CPLANE1: variants seen among roughly 807,000 people sequenced by gnomAD.
CPLANE1 encodes the protein ciliogenesis and planar polarity effector complex subunit 1, also known as ciliogenesis and planar polarity effector 1.
A neutral mutation model predicts 362.5 loss-of-function variants in CPLANE1; 263 were observed. The ratio of observed to expected loss-of-function variants is 0.73; its 90% CI spans 0.66 to 0.80. The LOEUF (loss-of-function observed/expected upper bound fraction) is 0.80, where lower values mean the gene tolerates loss of function less well. Among genes scored for constraint, CPLANE1 ranks in the 30% least tolerant of loss-of-function variants. The pLI, the probability that CPLANE1 is intolerant of heterozygous loss-of-function variation, is 0.00. For synonymous variants in CPLANE1, 1,212 were observed against 1,302.6 expected (o/e 0.93, Z 1.50); for missense variants, 3,461 against 3,793.4 (o/e 0.91, Z 2.30).
Position 37,213,652 on chromosome 5 carries a change from C to T in CPLANE1, c.2827G>A (p.Ala943Thr). The change falls in exon 16 of 53, where the codon GCT becomes ACT. Residue 943 changes from alanine to threonine, a missense_variant. Physicochemically the swap from Ala to Thr is moderately conservative, Grantham distance 58. Transcript: ENST00000651892. ...EAAVRVVQSM[A>T]RFMAAYFTNQ... ...GTGAAATAGGCAGCCATGAAACGAG[C>T]CATGGACTGGACGACTCTCACTGCT... The T allele has an allele frequency of 6.5e-7, 1 of 1,545,438 alleles. No homozygotes were observed. Among genetic ancestry groups the T allele is most frequent in the Non-Finnish European group, 8.7e-7 (1 of 1,143,070 alleles).
At position 37,170,235 on chromosome 5, in the gene CPLANE1, CAGACTG is replaced by C; in HGVS notation, c.6262_6267del (p.Gln2088_Ser2089del). 3 of 1,614,138 alleles carry C rather than the reference CAGACTG, an allele frequency of 1.9e-6. No individual in the cohort carries two copies. Among genetic ancestry groups the C allele is most frequent in the Non-Finnish European group, 2.5e-6 (3 of 1,180,018 alleles). On this transcript the variant is annotated inframe_deletion, in exon 33 of 53. Coordinates refer to ENST00000651892, the MANE Select transcript of CPLANE1 (RefSeq NM_001384732.1). ...GATTCTTGGCTTTCCCCTAAATGCA[CAGACTG>C]AGACTGCTGTACAAGTTGTTGTGTA...
chr5:37,149,453 T>A (rs1332991123), intron 42 of CPLANE1, among the ~76,000 whole-genome samples: 1 of 152,234 alleles, frequency 6.6e-6, no homozygotes, highest in Non-Finnish European at 1.5e-5. Flanking sequence ...TCTGCACATG[T>A]TCAGTACAGA....
intron 25 of CPLANE1, 73 bp downstream of exon 25, chr5:37,184,715 T>C: frequency 7.5e-7 from 1 of 1,332,638 alleles, no homozygotes; most frequent in Non-Finnish European, 1.0e-6. Context: ...GGACCAGAAA[T>C]CAGCTCATCA....
At chr5:37,095,045 A>G in the CPLANE1 span, among the ~76,000 whole-genome samples, 1 of 152,224 alleles carries the variant, frequency 6.6e-6, no homozygotes. Flanking sequence ...ACTATTCCAC[A>G]AGATAGACAA....
chr5:37,096,421 A>G, the CPLANE1 span, among the ~76,000 whole-genome samples: 2 of 152,228 alleles, frequency 1.3e-5, no homozygotes, highest in African/African-American at 4.8e-5. Flanking sequence ...TGGATCAAGG[A>G]CTTAAATATA....
intron 33 of CPLANE1, 77 bp downstream of exon 33, chr5:37,169,964 T>C: frequency 2.8e-6 from 4 of 1,418,324 alleles, no homozygotes; most frequent in Non-Finnish European, 3.9e-6. Context: ...CAACCTCAGG[T>C]GTGGCCTGCC....
Position 37,226,799 on chromosome 5 carries a change from A to G in CPLANE1, c.1796T>C (p.Val599Ala). 6.5e-7 allele frequency: 1 copy of G among 1,549,414 alleles called. No homozygotes were observed. The highest frequency in any genetic ancestry group is 8.7e-7 in the Non-Finnish European group (1 of 1,146,046). The change falls in exon 12 of 53, where the codon GTA (valine) becomes GCA (alanine). Residue 599 changes from valine to alanine, a missense_variant. Physicochemically the swap from Val to Ala is moderately conservative, Grantham distance 64 (BLOSUM62 0). Around this residue, in one of 2 missense-constraint regions of CPLANE1, gnomAD observed 3,380 missense variants for 3,666.1 expected, o/e 0.92. Transcript: ENST00000651892. ...GTAAAAAAAATGAGTGATACAAACT[A>G]CTATGTAATTTAACATTAAATTTTT... The part of the protein sequence containing the change: ...TEKNLMLNYI[V>A]VCITHFFYIL...
Position 37,142,594 on chromosome 5 carries a change from C to G in CPLANE1, c.8462-114G>C. On this transcript the variant is annotated intron_variant, in intron 43 of 52. Transcript: ENST00000651892. ...CAACCCAGATATTAGAAGTTTGTCA[C>G]ATATTATGCTAATAGCTTTCTACTG... 1.3e-5 allele frequency: 8 copies of G among 628,726 alleles called. No individual in the cohort carries two copies. The South Asian group carries it at 2.1e-4, about 16-fold the overall frequency. The allele number at this position is 628,726 out of a possible 1,614,324, so 38.9% of individuals were successfully genotyped here.
chr5:37,211,519 C>T (rs930169926), intron 16 of CPLANE1: 4 of 1,303,464 alleles, frequency 3.1e-6, no homozygotes, highest in East Asian at 2.3e-5. Flanking sequence ...GAAGCCCTGA[C>T]AGGCAGTGCA....
chr5:37,120,390 G>A (rs935993774), intron 49 of CPLANE1, 50 bp from the exon 50 acceptor site: 14 of 1,488,734 alleles, frequency 9.4e-6, no homozygotes, highest in East Asian at 7.5e-5. Context: ...TCATATCAGC[G>A]ATAAACTTTA....
rs543876628 is a variant in CPLANE1 at position 37,110,343 on chromosome 5, A to G, written c.9401-1872T>C. Among the ~76,000 whole-genome samples, 9 of 152,302 alleles carry G rather than the reference A, an allele frequency of 5.9e-5. No homozygotes were observed. In the East Asian group the frequency reaches 1.7e-3, roughly 29 times the overall value. On this transcript the variant is annotated intron_variant, in intron 51 of 52. Transcript: ENST00000651892. ...TTCTGTTCTGCCTTATCTTTATACA[A>G]CAATCTTACCAGAACTTTGAACTTC...
chr5:37,184,710 A>T, intron 25 of CPLANE1, 78 bp downstream of exon 25: 1 of 1,285,146 alleles, frequency 7.8e-7, no homozygotes, highest in Non-Finnish European at 1.1e-6. Context: ...TGCTGGGACC[A>T]GAAATCAGCT....
intron 16 of CPLANE1, chr5:37,211,010 T>A (rs1470643832): frequency 1.3e-6 from 1 of 796,780 alleles, no homozygotes; most frequent in African/African-American, 1.7e-5. Flanking sequence ...TGAAGCAAAC[T>A]CAGACAGCCC....
At chr5:37,196,359 C>CA (rs1460870105) in intron 20 of CPLANE1, among the ~76,000 whole-genome samples, 6 of 152,096 alleles carry the variant, frequency 3.9e-5, no homozygotes, top group South Asian at 2.1e-4. Flanking sequence ...AAAACAAATA[C>CA]AAAAAAATTA....
At chr5:37,115,106 T>A in intron 50 of CPLANE1, 57 bp from the exon 51 acceptor site, 1 of 1,110,110 alleles carries the variant, frequency 9.0e-7, no homozygotes, top group Non-Finnish European at 1.4e-6. Context: ...TTTTTATATA[T>A]ATTGTGAGTT....
At chr5:37,139,262 C>T in intron 45 of CPLANE1, 78 bp downstream of exon 45, 1 of 1,318,198 alleles carries the variant, frequency 7.6e-7, no homozygotes, top group Non-Finnish European at 1.0e-6. Flanking sequence ...TGTAAAAATT[C>T]ACACACATAT....
At chr5:37,102,088 T>A (rs185270790), downstream of CPLANE1, among the ~76,000 whole-genome samples, 16 of 152,276 alleles carry the variant, frequency 1.1e-4, no homozygotes, top group Admixed American at 7.8e-4. Context: ...CTGTATTTCC[T>A]TCAGTTCTGC....
chr5:37,162,612 G>T, intron 37 of CPLANE1, 46 bp from the exon 38 acceptor site: 1 of 1,339,254 alleles, frequency 7.5e-7, no homozygotes, highest in Non-Finnish European at 1.1e-6. Context: ...GAAGCTAACA[G>T]ATTACCAGGA....
Position 37,178,764 on chromosome 5 carries a change from AT to A in CPLANE1, c.5820+596del, listed in dbSNP as rs1285793693. ...TACTACAGCTGAATTATACTTTTTA[AT>A]TTTTTTTTTTAAAAGACAGGGTCTC... On this transcript the variant is annotated intron_variant, in intron 29 of 52. Transcript: ENST00000651892. 7.6e-3 allele frequency among the ~76,000 whole-genome samples: 1,134 copies of A among 149,676 alleles called. 19 individuals carry two copies. The highest frequency in any genetic ancestry group is 0.026 in the African/African-American group (1,068 of 41,004).
Sources: gnomAD v4.1 joint callset for allele counts (sites outside exome capture counted in the v4.1 genomes callset) on GRCh38, gnomAD v4.1.1 for gene constraint, gnomAD v4.1.1 regional missense constraint, MANE v1.5 for transcripts, NCBI Gene and HGNC (gene_info 2026-07-23, HGNC 2026-07-21) for gene names.